C8A: variants seen among roughly 807,000 people sequenced by gnomAD.
C8A encodes complement component C8 alpha chain.
In C8A, 67 loss-of-function variants were observed where a neutral mutation model predicts 65.3. The ratio of observed to expected loss-of-function variants is 1.03; its 90% confidence interval spans 0.84 to 1.26. The LOEUF (loss-of-function observed/expected upper bound fraction) is 1.26, where lower values mean the gene tolerates loss of function less well. Among genes scored for constraint, C8A ranks in the 50% most tolerant of loss-of-function variants. The pLI is 0.00. For synonymous variants in C8A, 290 were observed against 259.4 expected, an observed-to-expected ratio of 1.12 and a Z score of -1.13; for missense variants, 781 against 723.9, an observed-to-expected ratio of 1.08 and a Z score of -0.90.
At position 56,881,650 on chromosome 1, in the gene C8A, G is replaced by T. The variant is rs11804514; in HGVS notation, c.654+16G>T. ...CCACTTTGAAGTAAGTCTGAACAGAGGGGCTCTGAGGCCACTGTGGTGTAG... is the reference window on the plus strand; with the variant it reads ...CCACTTTGAAGTAAGTCTGAACAGATGGGCTCTGAGGCCACTGTGGTGTAG... On this transcript the variant is annotated intron_variant, in intron 5 of 10. Coordinates refer to ENST00000361249, the MANE Select transcript of C8A (RefSeq NM_000562.3). 51,747 of 1,610,232 alleles carry T rather than the reference G, an allele frequency of 0.032. 10,265 individuals are homozygous for T. The African/African-American group carries it at 0.51, about 16-fold the overall frequency.
At chr1:56,868,393 G>A (rs988088096) in intron 2 of C8A, among the ~76,000 whole-genome samples, 1 of 151,514 alleles carries the variant, frequency 6.6e-6, no homozygotes, top group Non-Finnish European at 1.5e-5. Context: ...AGGATTACTT[G>A]AGCCCAGAAG....
intron 7 of C8A, among the ~76,000 whole-genome samples, chr1:56,900,707 A>T (rs972222535): frequency 6.6e-6 from 1 of 152,234 alleles, no homozygotes; most frequent in African/African-American, 2.4e-5. Flanking sequence ...AGAAAGACCT[A>T]TGACTCCTAG....
Position 56,881,434 on chromosome 1 carries a change from G to C in C8A, c.465-11G>C, listed in dbSNP as rs778608536. The C allele has an allele frequency of 6.2e-7, 1 of 1,613,502 alleles. No homozygotes were observed. Among genetic ancestry groups the C allele is most frequent in the East Asian group, 2.2e-5 (1 of 44,866 alleles). On this transcript the variant is annotated splice_polypyrimidine_tract_variant and intron_variant, in intron 4 of 10. Transcript: ENST00000361249. ...CCACTAGCTATTTAGAAGCTGCTTTGTTCCATGTAGGTACAATATCCTGAC... is the reference window on the plus strand; with the variant it reads ...CCACTAGCTATTTAGAAGCTGCTTTCTTCCATGTAGGTACAATATCCTGAC...
chr1:56,867,187 TATAG>T (rs1371221217), intron 1 of C8A, among the ~76,000 whole-genome samples: 1 of 152,166 alleles, frequency 6.6e-6, no homozygotes, highest in Non-Finnish European at 1.5e-5. Context: ...AATGTAGTTT[TATAG>T]ATGGGAAAGC....
chr1:56,895,353 T>G (rs1016681933), intron 7 of C8A, among the ~76,000 whole-genome samples: 2 of 152,136 alleles, frequency 1.3e-5, no homozygotes, highest in Non-Finnish European at 2.9e-5. Flanking sequence ...GAGGATACTA[T>G]TATATAATCT....
At chr1:56,877,636 C>A (rs1644211153) in intron 4 of C8A, among the ~76,000 whole-genome samples, 1 of 152,176 alleles carries the variant, frequency 6.6e-6, no homozygotes, top group South Asian at 2.1e-4. Flanking sequence ...TTTTCATCTC[C>A]TCAGCCCCTG....
intron 9 of C8A, among the ~76,000 whole-genome samples, chr1:56,908,954 C>A (rs951786276): frequency 1.3e-5 from 2 of 152,154 alleles, no homozygotes; most frequent in African/African-American, 4.8e-5. Flanking sequence ...TTTGTCACCA[C>A]CCACAGTGGG....
chr1:56,906,886 T>C, intron 8 of C8A, 94 bp downstream of exon 8: 3 of 1,494,714 alleles, frequency 2.0e-6, no homozygotes, highest in Non-Finnish European at 2.8e-6. Context: ...TCCCAGTTGA[T>C]TGCATTTTAG....
At chr1:56,879,611 G>A (rs1471076436) in intron 4 of C8A, among the ~76,000 whole-genome samples, 2 of 152,124 alleles carry the variant, frequency 1.3e-5, no homozygotes, top group Non-Finnish European at 2.9e-5. Flanking sequence ...CAAAATCTAG[G>A]AAAAAATCCA....
chr1:56,892,023 G>T (rs1284945080), intron 7 of C8A, among the ~76,000 whole-genome samples: 1 of 152,044 alleles, frequency 6.6e-6, no homozygotes, highest in Non-Finnish European at 1.5e-5. Flanking sequence ...AATACTCATT[G>T]AGCTGCATTC....
chr1:56,885,384 A>T (rs1343797231), intron 6 of C8A, among the ~76,000 whole-genome samples: 1 of 128,252 alleles, frequency 7.8e-6, no homozygotes, highest in Non-Finnish European at 1.6e-5. Context: ...ATTTATTTAA[A>T]TATATATTTA....
At chr1:56,877,696 C>G (rs1644211610) in intron 4 of C8A, among the ~76,000 whole-genome samples, 1 of 152,078 alleles carries the variant, frequency 6.6e-6, no homozygotes, top group African/African-American at 2.4e-5. Flanking sequence ...TGAATTGAAA[C>G]AAATCAATAT....
At chr1:56,913,230 G>A (rs1644524113) in intron 10 of C8A, among the ~76,000 whole-genome samples, 1 of 152,196 alleles carries the variant, frequency 6.6e-6, no homozygotes, top group Non-Finnish European at 1.5e-5. Flanking sequence ...TCATTTTAAT[G>A]TGATTTCATC....
chr1:56,869,529 G>T (rs1236384866), intron 2 of C8A, among the ~76,000 whole-genome samples: 2 of 152,108 alleles, frequency 1.3e-5, no homozygotes, highest in Non-Finnish European at 2.9e-5. Context: ...CGCTTAGGTA[G>T]ATACCCAGTA....
At chr1:56,873,666 A>C (rs1231842891) in intron 2 of C8A, among the ~76,000 whole-genome samples, 2 of 152,136 alleles carry the variant, frequency 1.3e-5, no homozygotes, top group African/African-American at 4.8e-5. Context: ...TGCTGCTCAA[A>C]TCATTGCTTT....
intron 1 of C8A, among the ~76,000 whole-genome samples, chr1:56,855,980 T>A (rs184984580): frequency 2.1e-4 from 32 of 152,150 alleles, no homozygotes; most frequent in Middle Eastern, 3.4e-3. Context: ...GTAAAGGAAA[T>A]CTCCGCCGAG....
chr1:56,889,949 C>T (rs560503671), intron 7 of C8A, among the ~76,000 whole-genome samples: 19 of 152,276 alleles, frequency 1.2e-4, no homozygotes, highest in African/African-American at 4.6e-4. Context: ...TTTCTACCTT[C>T]CGCAGGTATC....
intron 1 of C8A, among the ~76,000 whole-genome samples, chr1:56,862,901 T>C (rs1644048060): frequency 6.6e-6 from 1 of 152,198 alleles, no homozygotes; most frequent in African/African-American, 2.4e-5. Flanking sequence ...ATATGTGCCA[T>C]AAGCTCTAAA....
chr1:56,886,195 C>T (rs1402155813), intron 7 of C8A, 28 bp downstream of exon 7: 8 of 1,612,736 alleles, frequency 5.0e-6, no homozygotes, highest in Non-Finnish European at 6.8e-6. Flanking sequence ...TCTATGTACA[C>T]AGTAGTCAAC....
Sources: gnomAD v4.1 joint callset for allele counts (sites outside exome capture counted in the v4.1 genomes callset) on GRCh38, gnomAD v4.1.1 for gene constraint, MANE v1.5 for transcripts, NCBI Gene and HGNC (gene_info 2026-07-23, HGNC 2026-07-21) for gene names.